COP1: variants seen among roughly 807,000 people sequenced by gnomAD.
The protein encoded by COP1 is E3 ubiquitin-protein ligase COP1.
COP1 carries 24 observed loss-of-function variants against 101.3 expected under a neutral mutation model. The ratio of observed to expected loss-of-function variants is 0.24; its 90% CI spans 0.17 to 0.33. The LOEUF (loss-of-function observed/expected upper bound fraction) is 0.33, where lower values mean the gene tolerates loss of function less well. Among genes scored for constraint, COP1 ranks in the 10% least tolerant of loss-of-function variants. The pLI is 1.00. For missense variants in COP1, 663 were observed against 906.2 expected, an observed-to-expected ratio of 0.73 and a Z score of 3.45; for synonymous variants, 347 against 341.9, an observed-to-expected ratio of 1.01 and a Z score of -0.17.
chr1:176,030,292 G>A (rs1327132930), intron 14 of COP1, among the ~76,000 whole-genome samples: 8 of 152,104 alleles, frequency 5.3e-5, no homozygotes, highest in Admixed American at 5.2e-4. Flanking sequence ...AAGTCAACAT[G>A]CCGAACATAG....
rs548556081 is a variant in COP1, at chr1:176,142,218, A to G, written c.832-5671T>C. On this transcript the variant is annotated intron_variant, in intron 6 of 19. Coordinates refer to ENST00000367669, the MANE Select transcript of COP1 (RefSeq NM_022457.7). The stretch of plus-strand genomic sequence containing the variant: ...CAGAGAGAGCAACCACTAAAAAATG[A>G]TACAAAAAATTTACTTTAAAACATT... 3.9e-5 allele frequency among the ~76,000 whole-genome samples: 6 copies of G among 152,280 alleles called. No homozygotes were observed. The South Asian group carries it at 8.3e-4, about 21-fold the overall frequency.
intron 14 of COP1, among the ~76,000 whole-genome samples, chr1:176,035,892 A>T (rs940156734): frequency 5.3e-5 from 8 of 152,194 alleles, no homozygotes; most frequent in East Asian, 1.9e-4. Context: ...ATAACAAATT[A>T]AAAAAGTTAA....
At chr1:176,103,492 C>A (rs1489716090) in intron 9 of COP1, among the ~76,000 whole-genome samples, 1 of 152,194 alleles carries the variant, frequency 6.6e-6, no homozygotes, top group Non-Finnish European at 1.5e-5. Context: ...GGAAGCTCTG[C>A]AAACCATCCT....
chr1:175,959,538 G>C (rs1651070828), intron 18 of COP1, among the ~76,000 whole-genome samples: 1 of 151,982 alleles, frequency 6.6e-6, no homozygotes, highest in Non-Finnish European at 1.5e-5. Context: ...TGAATTAATT[G>C]TGTGCATAAA....
chr1:176,204,614 T>C (rs1700631687), intron 1 of COP1, among the ~76,000 whole-genome samples: 1 of 152,126 alleles, frequency 6.6e-6, no homozygotes, highest in African/African-American at 2.4e-5. Flanking sequence ...AATTAACTAA[T>C]GAGATTCTTA....
intron 15 of COP1, among the ~76,000 whole-genome samples, chr1:176,003,275 A>G (rs372413357): frequency 0.035 from 5,361 of 152,080 alleles, 111 homozygotes; most frequent in East Asian, 0.073. Flanking sequence ...AGTAGGTTGC[A>G]AAAATTTTCT....
At chr1:175,997,073 A>C (rs917035384) in intron 15 of COP1, among the ~76,000 whole-genome samples, 3 of 151,134 alleles carry the variant, frequency 2.0e-5, no homozygotes, top group African/African-American at 7.4e-5. Flanking sequence ...GGAACAGAAC[A>C]CAGTCCTCAG....
intron 6 of COP1, among the ~76,000 whole-genome samples, chr1:176,141,735 C>CTTT (rs113303187): frequency 7.7e-5 from 11 of 142,250 alleles, no homozygotes; most frequent in Non-Finnish European, 1.2e-4. Context: ...TTTTTCTTTT[C>CTTT]TTTTTTTTTT....
Position 176,207,232 on chromosome 1 carries a change from C to T in COP1, c.-254G>A. The stretch of plus-strand genomic sequence containing the variant: ...TCGAGGCCGCCGCCGCCACCGCGGT[C>T]CCTGTAGCAGCCAACCCCGGCGCGC... On this transcript the variant is annotated 5_prime_UTR_variant, in exon 1 of 20. Coordinates refer to ENST00000367669, the MANE Select transcript of COP1 (RefSeq NM_022457.7). The T allele has an allele frequency of 2.5e-6, 1 of 400,128 alleles. No individual in the cohort carries two copies. The highest frequency in any genetic ancestry group is 4.4e-6 in the Non-Finnish European group (1 of 227,482). The allele number at this position is 400,128 out of a possible 1,614,324, so 24.8% of individuals were successfully genotyped here.
chr1:176,032,447 G>A (rs1668794640), intron 14 of COP1, among the ~76,000 whole-genome samples: 1 of 152,146 alleles, frequency 6.6e-6, no homozygotes, highest in Non-Finnish European at 1.5e-5. Flanking sequence ...CTAAAGCTTA[G>A]CTACTTAAAA....
intron 2 of COP1, among the ~76,000 whole-genome samples, chr1:176,177,274 T>C (rs1247385477): frequency 6.6e-6 from 1 of 150,410 alleles, no homozygotes; most frequent in Non-Finnish European, 1.5e-5. Flanking sequence ...TGTGCCTCCC[T>C]ATTAAAAAAA....
intron 15 of COP1, among the ~76,000 whole-genome samples, chr1:175,994,989 T>C (rs189571181): frequency 2.2e-4 from 34 of 152,304 alleles, no homozygotes; most frequent in African/African-American, 8.2e-4. Context: ...GACCACATAG[T>C]TGGAAGTAAA....
At chr1:176,149,816 AAAAT>A (rs1302080520) in intron 5 of COP1, among the ~76,000 whole-genome samples, 1 of 152,126 alleles carries the variant, frequency 6.6e-6, no homozygotes, top group African/African-American at 2.4e-5. Flanking sequence ...AAAAATATAT[AAAAT>A]AATATCAAAA....
chr1:176,099,521 C>A (rs1572225071), intron 9 of COP1, among the ~76,000 whole-genome samples: 1 of 120,908 alleles, frequency 8.3e-6, no homozygotes, highest in Admixed American at 8.9e-5. Context: ...CTCTCTCTCT[C>A]TCTCTCTCTC....
At position 175,959,718 on chromosome 1, in the gene COP1, CAT is replaced by C. The variant is rs1156523352; in HGVS notation, c.2134-12481_2134-12480del. On this transcript the variant is annotated intron_variant, in intron 18 of 19. Coordinates refer to ENST00000367669, the MANE Select transcript of COP1 (RefSeq NM_022457.7). ...GGTTAACTTGAATAGATAATATACACATGTGGTAAAAATTCACACAGTACAAA... is the reference window on the plus strand; with the variant it reads ...GGTTAACTTGAATAGATAATATACACGTGGTAAAAATTCACACAGTACAAA... Among the ~76,000 whole-genome samples, 24 of 152,150 alleles carry C rather than the reference CAT, an allele frequency of 1.6e-4. 1 individual carries two copies. Among genetic ancestry groups the C allele is most frequent in the African/African-American group, 4.6e-4 (19 of 41,508 alleles).
chr1:176,141,477 G>T (rs1002443365), intron 6 of COP1, among the ~76,000 whole-genome samples: 5 of 151,938 alleles, frequency 3.3e-5, no homozygotes, highest in Admixed American at 3.3e-4. Context: ...CTCCAGCCTG[G>T]GCAACAGAGC....
chr1:176,100,469 A>C (rs1683219215), intron 9 of COP1: 1 of 151,880 alleles, frequency 6.6e-6, no homozygotes, highest in Admixed American at 6.6e-5. Flanking sequence ...TAAATTCTAC[A>C]TTCCTTTGTT....
Position 176,039,164 on chromosome 1 carries a change from G to A in COP1, c.1612+4022C>T, listed in dbSNP as rs142476652. On this transcript the variant is annotated intron_variant, in intron 14 of 19. Coordinates refer to ENST00000367669, the MANE Select transcript of COP1 (RefSeq NM_022457.7). ...CACAGTGGAATTAAACTAGAAATCA[G>A]TAACAGAAAAATAGCTGAAAAATTC... Among the ~76,000 whole-genome samples, 400 of 152,168 alleles carry A rather than the reference G, an allele frequency of 2.6e-3. 3 individuals carry two copies. The highest frequency in any genetic ancestry group is 9.2e-3 in the African/African-American group (382 of 41,524).
intron 9 of COP1, among the ~76,000 whole-genome samples, chr1:176,087,088 T>A (rs192091940): frequency 2.0e-5 from 3 of 152,174 alleles, no homozygotes; most frequent in African/African-American, 7.2e-5. Flanking sequence ...CCCTTCCTTA[T>A]ACCTTATACA....
Sources: gnomAD v4.1 joint callset for allele counts (sites outside exome capture counted in the v4.1 genomes callset) on GRCh38, gnomAD v4.1.1 for gene constraint, MANE v1.5 for transcripts, NCBI Gene and HGNC (gene_info 2026-07-23, HGNC 2026-07-21) for gene names.